The following NBEA variants were observed in gnomAD, a reference collection of about 807,000 sequenced individuals.
NBEA encodes the protein lysosomal-trafficking regulator 2.
A neutral mutation model predicts 343.4 loss-of-function variants in NBEA; 44 were observed. The ratio of observed to expected loss-of-function variants is 0.13; its 90% confidence interval spans 0.10 to 0.16. The LOEUF (loss-of-function observed/expected upper bound fraction) is 0.16. NBEA is among the 10% of genes least tolerant of loss of function. The probability of loss-of-function intolerance (pLI) is 1.00; values close to 1 mark genes in which losing one functional copy is unlikely to be tolerated. For missense variants in NBEA, 2,555 were observed against 3,631.3 expected (o/e 0.70, Z 7.62); for synonymous variants, 1,175 against 1,238.7 (o/e 0.95, Z 1.08).
At chr13:35,004,058 T>C (rs561748167) in intron 1 of NBEA, among the ~76,000 whole-genome samples, 10 of 152,334 alleles carry the variant, frequency 6.6e-5, no homozygotes, top group African/African-American at 2.2e-4. Flanking sequence ...GTTAGTTTGC[T>C]GAGGATAATG....
At chr13:35,165,036 C>G (rs1158104120) in intron 24 of NBEA, 10 of 531,810 alleles carry the variant, frequency 1.9e-5, no homozygotes, top group Non-Finnish European at 3.9e-5. Flanking sequence ...AAGGCAGACT[C>G]CATAGCTACT....
Position 35,135,919 on chromosome 13 carries a change from C to A in NBEA, c.2337-6350C>A, listed in dbSNP as rs186573233. On this transcript the variant is annotated intron_variant, in intron 17 of 58. Transcript: ENST00000379939. ...TATCACCACACCCAGCCCCCTCCCC[C>A]CTCAAAAAAAAGAAAACCAAAACCA... is the stretch of plus-strand genomic sequence containing the variant. Among the ~76,000 whole-genome samples the A allele has an allele frequency of 1.8e-4, 28 of 151,866 alleles. No homozygotes were observed. In the East Asian group the frequency reaches 4.4e-3, roughly 24 times the overall value.
intron 49 of NBEA, among the ~76,000 whole-genome samples, chr13:35,645,567 A>G (rs963133808): frequency 2.0e-5 from 3 of 152,182 alleles, no homozygotes; most frequent in African/African-American, 4.8e-5. Flanking sequence ...GAAATATTGT[A>G]TAGCTTAGGA....
chr13:35,628,240 C>T lies in NBEA; in HGVS notation c.7609C>T (p.Leu2537Phe), dbSNP rs764867943. ...VNLDSITDPV[L>F]REIPEAYFIR... ...CCTGGATAGTATCACTGATCCTGTGCTCAGGGAGGTAGGTGTTAAATCCCA... is the reference window on the plus strand; with the variant it reads ...CCTGGATAGTATCACTGATCCTGTGTTCAGGGAGGTAGGTGTTAAATCCCA... Residue 2537 changes from leucine to phenylalanine, a missense_variant, in exon 49 of 59, where the codon CTC becomes TTC. Around this residue, in one of 21 missense-constraint regions of NBEA, gnomAD observed 87 missense variants for 75.0 expected, o/e 1.16. Transcript: ENST00000379939. 1 of 1,599,266 alleles carries T rather than the reference C, an allele frequency of 6.3e-7. No homozygotes were observed. The highest frequency in any genetic ancestry group is 8.5e-7 in the Non-Finnish European group (1 of 1,173,570).
intron 44 of NBEA, among the ~76,000 whole-genome samples, chr13:35,557,374 C>G (rs2079623850): frequency 6.6e-6 from 1 of 152,078 alleles, no homozygotes. Context: ...GTTGCTGTGT[C>G]TAAATCTGGA....
In NBEA at chr13:35,216,579, A is replaced by G. The variant is rs561393565; in HGVS notation, c.5648+5400A>G. ...CCAAGCACAGTTTTACCTGTATTGTACAAATGTAGTATTTTTTATATTCAA... is the reference window on the plus strand; with the variant it reads ...CCAAGCACAGTTTTACCTGTATTGTGCAAATGTAGTATTTTTTATATTCAA... On this transcript the variant is annotated intron_variant, in intron 33 of 58. Coordinates refer to ENST00000379939, the MANE Select transcript of NBEA (RefSeq NM_001385012.1). 3.8e-4 allele frequency among the ~76,000 whole-genome samples: 58 copies of G among 152,066 alleles called. No individual in the cohort carries two copies. In the South Asian group the frequency reaches 0.012, roughly 30 times the overall value.
chr13:35,498,288 T>C (rs1375073257), intron 41 of NBEA, among the ~76,000 whole-genome samples: 3 of 152,096 alleles, frequency 2.0e-5, no homozygotes, highest in Non-Finnish European at 4.4e-5. Context: ...GTTACCAATA[T>C]ATCTTTCATG....
chr13:35,418,517 A>G (rs889035717), intron 38 of NBEA, among the ~76,000 whole-genome samples: 1 of 152,034 alleles, frequency 6.6e-6, no homozygotes, highest in Non-Finnish European at 1.5e-5. Context: ...TACCACAAGA[A>G]TATATGCTCA....
chr13:35,088,420 A>C (rs945038512), intron 10 of NBEA, among the ~76,000 whole-genome samples: 1 of 151,880 alleles, frequency 6.6e-6, no homozygotes, highest in Non-Finnish European at 1.5e-5. Flanking sequence ...ATTGTAATAT[A>C]ATCCAATTTC....
rs375850096 is a variant in NBEA at position 35,159,660 on chromosome 13, T to C, written c.3489T>C (p.Ser1163=). ...AGGAAAAACTACTTCCTGAACTTTC[T>C]AGCAATCACATTATTCCAAATATTC... ...KQEEKLLPEL[S]SNHIIPNIQD... The change falls in exon 22 of 59, where the codon TCT becomes TCC. Residue 1163 remains serine (S), a synonymous_variant. Transcript: ENST00000379939. 1 of 1,611,464 alleles carries C rather than the reference T, an allele frequency of 6.2e-7. No homozygotes were observed. The highest frequency in any genetic ancestry group is 8.5e-7 in the Non-Finnish European group (1 of 1,178,886).
chr13:35,436,554 C>CA (rs1400181530), intron 39 of NBEA, among the ~76,000 whole-genome samples: 1 of 151,756 alleles, frequency 6.6e-6, no homozygotes, highest in African/African-American at 2.4e-5. Context: ...ACTAAAAATA[C>CA]AAAAAATTAG....
At chr13:35,330,116 T>C (rs1228125459) in intron 36 of NBEA, among the ~76,000 whole-genome samples, 1 of 152,048 alleles carries the variant, frequency 6.6e-6, no homozygotes, top group Non-Finnish European at 1.5e-5. Context: ...CCGAACAACA[T>C]AGTCACCTGT....
intron 41 of NBEA, among the ~76,000 whole-genome samples, chr13:35,489,565 C>T (rs1054881243): frequency 1.3e-5 from 2 of 151,912 alleles, no homozygotes; most frequent in African/African-American, 4.8e-5. Flanking sequence ...TGTGTTGATA[C>T]AGCTACTTTA....
At chr13:35,139,888 C>T (rs967006889) in intron 17 of NBEA, among the ~76,000 whole-genome samples, 1 of 151,832 alleles carries the variant, frequency 6.6e-6, no homozygotes, top group East Asian at 1.9e-4. Flanking sequence ...AAGTTTCCCC[C>T]GAACCTAGAA....
chr13:35,486,136 A>G (rs970516829), intron 41 of NBEA, among the ~76,000 whole-genome samples: 25 of 152,094 alleles, frequency 1.6e-4, no homozygotes, highest in Non-Finnish European at 2.9e-5. Context: ...TCCCAAGCCA[A>G]TAGTTATATT....
chr13:35,023,163 G>T (rs2061904611), intron 1 of NBEA, among the ~76,000 whole-genome samples: 1 of 151,922 alleles, frequency 6.6e-6, no homozygotes, highest in Non-Finnish European at 1.5e-5. Flanking sequence ...GGAAACCAAG[G>T]CTAAAAGGAT....
At chr13:35,470,934 T>G (rs759879519) in intron 40 of NBEA, among the ~76,000 whole-genome samples, 10 of 152,202 alleles carry the variant, frequency 6.6e-5, no homozygotes, top group Non-Finnish European at 1.5e-4. Context: ...TGCCTCTCCC[T>G]TTCCAAAGAA....
intron 6 of NBEA, among the ~76,000 whole-genome samples, chr13:35,053,181 C>T (rs1310320692): frequency 6.6e-6 from 1 of 152,096 alleles, no homozygotes; most frequent in Admixed American, 6.6e-5. Context: ...TGGAGCAGAT[C>T]GTTTCACTTT....
intron 41 of NBEA, among the ~76,000 whole-genome samples, chr13:35,478,113 C>T (rs978389315): frequency 3.3e-5 from 5 of 152,160 alleles, no homozygotes; most frequent in African/African-American, 1.2e-4. Flanking sequence ...ACAAGATATT[C>T]TTCAGGGCTC....
Sources: allele counts gnomAD v4.1 joint callset (sites outside exome capture counted in the v4.1 genomes callset), GRCh38; gene constraint gnomAD v4.1.1; regional missense constraint gnomAD v4.1.1; transcripts MANE v1.5; gene names NCBI Gene and HGNC (gene_info 2026-07-23, HGNC 2026-07-21).